The following ANKRD28 variants were observed in gnomAD, a reference collection of about 807,000 sequenced individuals.
The protein encoded by ANKRD28 is serine/threonine-protein phosphatase 6 regulatory ankyrin repeat subunit A.
In ANKRD28, 44 loss-of-function variants were observed where a neutral mutation model predicts 126.5. That is an observed-to-expected ratio of 0.35 (90% confidence interval 0.27 to 0.45). The LOEUF (loss-of-function observed/expected upper bound fraction) is 0.45. Ranked by LOEUF, ANKRD28 falls within the 20% of genes least tolerant of loss-of-function variation. ANKRD28 has a pLI of 1.00. For missense variants in ANKRD28, 1,110 were observed against 1,316.6 expected (o/e 0.84, Z 2.43); for synonymous variants, 442 against 468.5 (o/e 0.94, Z 0.73).
intron 4 of ANKRD28, among the ~76,000 whole-genome samples, chr3:15,747,516 T>G (rs2057557248): frequency 6.6e-6 from 1 of 152,214 alleles, no homozygotes; most frequent in Non-Finnish European, 1.5e-5. Context: ...GGCTTCCTTT[T>G]GGAGTTCATT....
chr3:15,728,482 A>C (rs2074352422), intron 6 of ANKRD28, among the ~76,000 whole-genome samples: 1 of 152,118 alleles, frequency 6.6e-6, no homozygotes, highest in Non-Finnish European at 1.5e-5. Context: ...TTTTGTAGAG[A>C]CAGGGTCTTG....
rs189645725 is a variant in ANKRD28 at position 15,746,042 on chromosome 3, T to C, written c.351+5708A>G. The stretch of plus-strand genomic sequence containing the variant: ...ATTAGTGTATAGCAGAACTACTGAT[T>C]TGTGTACATTAATTTTGTATCCTGA... On this transcript the variant is annotated intron_variant, in intron 4 of 27. Transcript: ENST00000683139. Among the ~76,000 whole-genome samples, 50 of 152,342 alleles carry C rather than the reference T, an allele frequency of 3.3e-4. No homozygotes were observed. The East Asian group carries it at 9.2e-3, about 28-fold the overall frequency.
At chr3:15,793,961 T>G (rs995287181) in intron 2 of ANKRD28, among the ~76,000 whole-genome samples, 11 of 152,076 alleles carry the variant, frequency 7.2e-5, no homozygotes, top group Non-Finnish European at 1.6e-4. Flanking sequence ...TCCCAGCTAC[T>G]TGGGAGGTTG....
chr3:15,670,152 T>G lies in ANKRD28; in HGVS notation c.*118A>C. ...CTAATGCCATCAGATCTCTTAACAT[T>G]GGCTCACTGTGGGATCTTTCCTCTT... On this transcript the variant is annotated 3_prime_UTR_variant, in exon 28 of 28. Transcript: ENST00000683139. 3 of 1,145,120 alleles carry G rather than the reference T, an allele frequency of 2.6e-6. No homozygotes were observed. Among genetic ancestry groups the G allele is most frequent in the East Asian group, 2.6e-5 (1 of 38,894 alleles). The allele number at this position is 1,145,120 out of a possible 1,614,324, so 70.9% of individuals were successfully genotyped here.
chr3:15,775,347 A>C (rs1442690006), intron 2 of ANKRD28, among the ~76,000 whole-genome samples: 1 of 152,150 alleles, frequency 6.6e-6, no homozygotes, highest in Non-Finnish European at 1.5e-5. Context: ...TCAATACAAA[A>C]CTGATACTTG....
At chr3:15,671,291 C>A (rs947781133) in intron 27 of ANKRD28, among the ~76,000 whole-genome samples, 23 of 152,112 alleles carry the variant, frequency 1.5e-4, no homozygotes, top group African/African-American at 5.3e-4. Flanking sequence ...ACATTTGGTA[C>A]CTCAGTTGGT....
intron 7 of ANKRD28, among the ~76,000 whole-genome samples, chr3:15,723,429 A>G (rs1046804263): frequency 1.3e-5 from 2 of 152,228 alleles, no homozygotes; most frequent in Non-Finnish European, 2.9e-5. Flanking sequence ...TAAAGAACCA[A>G]TGAGTTCTTC....
intron 1 of ANKRD28, among the ~76,000 whole-genome samples, chr3:15,820,521 T>C (rs1007647412): frequency 2.0e-5 from 3 of 152,322 alleles, no homozygotes; most frequent in African/African-American, 7.2e-5. Context: ...AAGGGGAACG[T>C]AGTAGAGAAA....
intron 14 of ANKRD28, among the ~76,000 whole-genome samples, chr3:15,703,423 G>A (rs1268916274): frequency 6.6e-6 from 1 of 152,232 alleles, no homozygotes; most frequent in Non-Finnish European, 1.5e-5. Context: ...GCCTTTAGGA[G>A]GTGATTAGGT....
At chr3:15,803,590 C>A (rs1277894144) in intron 1 of ANKRD28, among the ~76,000 whole-genome samples, 5 of 148,912 alleles carry the variant, frequency 3.4e-5, no homozygotes, top group African/African-American at 1.3e-4. Flanking sequence ...GCACTCCAGC[C>A]TGGCGACAGA....
Position 15,690,212 on chromosome 3 carries a change from A to G in ANKRD28, c.1770T>C (p.His590=). The G allele has an allele frequency of 6.3e-7, 1 of 1,595,844 alleles. No homozygotes were observed. ...ACACTTCCAGTGCTTGATGGTGACC[A>G]TGATAGGCCTAGAAATAAATAAAAA... ...TISPLHLAAY[H]GHHQALEVLV... Residue 590 remains histidine (H), a synonymous_variant, in exon 18 of 28, where the codon CAT becomes CAC. Coordinates refer to ENST00000683139, the MANE Select transcript of ANKRD28 (RefSeq NM_001349278.2).
At chr3:15,776,990 C>T (rs537937155) in intron 2 of ANKRD28, among the ~76,000 whole-genome samples, 3 of 152,192 alleles carry the variant, frequency 2.0e-5, no homozygotes, top group African/African-American at 4.8e-5. Context: ...AAAAAAGTCA[C>T]CTGGGCCAGG....
intron 15 of ANKRD28, among the ~76,000 whole-genome samples, 170 bp from the exon 16 acceptor site, chr3:15,695,384 T>TA (rs1296095643): frequency 6.6e-6 from 1 of 152,148 alleles, no homozygotes; most frequent in African/African-American, 2.4e-5. Context: ...ACGTCAAATC[T>TA]ATATACATAG....
chr3:15,848,953 A>G (rs186448765), intron 1 of ANKRD28, among the ~76,000 whole-genome samples: 1 of 152,288 alleles, frequency 6.6e-6, no homozygotes, highest in East Asian at 1.9e-4. Context: ...TCTAGCCACT[A>G]AAAAAGTATT....
At chr3:15,745,506 G>A (rs2057416321) in intron 4 of ANKRD28, among the ~76,000 whole-genome samples, 2 of 152,102 alleles carry the variant, frequency 1.3e-5, no homozygotes, top group Admixed American at 6.5e-5. Context: ...CTTTGTCAAA[G>A]ATCAGTTGGC....
rs543208190 is a variant in ANKRD28, at chr3:15,747,643, T to C, written c.351+4107A>G. 3.3e-5 allele frequency among the ~76,000 whole-genome samples: 5 copies of C among 152,350 alleles called. No homozygotes were observed. In the South Asian group the frequency reaches 1.0e-3, roughly 32 times the overall value. On this transcript the variant is annotated intron_variant, in intron 4 of 27. Transcript: ENST00000683139. ...GGTCTATTTTGGAGAACATTTCATG[T>C]GCTGATGAATAGAATGCATATTCTG... is the stretch of plus-strand genomic sequence containing the variant.
rs1429341274 is a variant in ANKRD28 at position 15,667,904 on chromosome 3, A to G, written c.*2366T>C. 2 of 152,234 alleles carry G rather than the reference A, an allele frequency of 1.3e-5. No individual in the cohort carries two copies. Among genetic ancestry groups the G allele is most frequent in the Non-Finnish European group, 2.9e-5 (2 of 68,048 alleles). 9.4% of individuals were successfully genotyped at this position (152,234 alleles called of 1,614,324 possible). ...ATAGCTACACCTTGGATTTCATTAG[A>G]TGTGGTAAATCTAATAGTGTGTCAA... On this transcript the variant is annotated 3_prime_UTR_variant, in exon 28 of 28. Coordinates refer to ENST00000683139, the MANE Select transcript of ANKRD28 (RefSeq NM_001349278.2).
chr3:15,797,700 T>C lies in ANKRD28; in HGVS notation c.-1179A>G. On this transcript the variant is annotated 5_prime_UTR_variant, in exon 1 of 28. Transcript: ENST00000683139. The stretch of plus-strand genomic sequence containing the variant: ...TGTGCATCTTCTTTGAGCCAACTAC[T>C]TTATTCAGTCATCTGCCTCTTTGCC... 1 of 985,430 alleles carries C rather than the reference T, an allele frequency of 1.0e-6. No individual in the cohort carries two copies. The allele number at this position is 985,430 out of a possible 1,614,324, so 61.0% of individuals were successfully genotyped here. A position where few individuals can be genotyped will look rare whatever the true frequency, so the allele number is the denominator to read the frequency against.
intron 2 of ANKRD28, among the ~76,000 whole-genome samples, chr3:15,790,108 A>G (rs1029754321): frequency 2.0e-5 from 3 of 152,150 alleles, no homozygotes; most frequent in African/African-American, 7.2e-5. Context: ...AGGAAATCCA[A>G]AACCAGAACA....
Sources: allele counts gnomAD v4.1 joint callset (sites outside exome capture counted in the v4.1 genomes callset), GRCh38; gene constraint gnomAD v4.1.1; transcripts MANE v1.5; gene names NCBI Gene and HGNC (gene_info 2026-07-23, HGNC 2026-07-21).